Variants in KALRN observed in about 807,000 individuals in gnomAD.
KALRN encodes the protein kalirin.
Under a neutral mutation model 353.7 loss-of-function variants are expected in KALRN, and 70 were observed. That is an observed-to-expected ratio of 0.20 (90% CI 0.16 to 0.24). KALRN has a LOEUF of 0.24. KALRN is among the 10% of genes least tolerant of loss of function. KALRN has a pLI of 1.00. For synonymous variants in KALRN, 1,391 were observed against 1,434.8 expected (o/e 0.97, Z 0.69); for missense variants, 2,791 against 3,756.7 (o/e 0.74, Z 6.72).
chr3:124,550,485 A>G (rs551135982), intron 33 of KALRN, among the ~76,000 whole-genome samples: 10 of 151,968 alleles, frequency 6.6e-5, no homozygotes, highest in African/African-American at 2.4e-4. Context: ...ACTGTATGCA[A>G]TTTTTTTTGT....
In KALRN at chr3:124,320,050, C is replaced by T. The variant is rs1193388065; in HGVS notation, c.1093-5930C>T. On this transcript the variant is annotated intron_variant, in intron 6 of 59. Transcript: ENST00000682506. ...TAACTGGTAGTATTTGGGTGTGCTT[C>T]CCTCGTATGTATAACGTTTTCTCAG... Among the ~76,000 whole-genome samples, 3 of 152,106 alleles carry T rather than the reference C, an allele frequency of 2.0e-5. No homozygotes were observed. The East Asian group carries it at 5.8e-4, about 29-fold the overall frequency.
intron 34 of KALRN, among the ~76,000 whole-genome samples, chr3:124,612,818 G>A (rs376140685): frequency 3.3e-5 from 5 of 152,306 alleles, no homozygotes; most frequent in East Asian, 3.9e-4. Context: ...CATATAGGAA[G>A]CACTCAACAA....
chr3:124,662,400 G>A (rs930093505), intron 45 of KALRN, among the ~76,000 whole-genome samples: 12 of 151,746 alleles, frequency 7.9e-5, no homozygotes, highest in Non-Finnish European at 1.8e-4. Context: ...TATAAAGATG[G>A]GGTTTTGCCA....
At chr3:124,453,563 C>G (rs938547436) in intron 21 of KALRN, among the ~76,000 whole-genome samples, 1 of 152,220 alleles carries the variant, frequency 6.6e-6, no homozygotes, top group Non-Finnish European at 1.5e-5. Flanking sequence ...GTTTTTTCTG[C>G]TGTTGCTCCA....
chr3:124,647,527 T>C (rs1159696720), intron 37 of KALRN, among the ~76,000 whole-genome samples: 1 of 152,206 alleles, frequency 6.6e-6, no homozygotes, highest in Non-Finnish European at 1.5e-5. Flanking sequence ...GTTCAAGCAT[T>C]GCCTCTTCCA....
intron 6 of KALRN, among the ~76,000 whole-genome samples, chr3:124,311,019 A>T (rs948913095): frequency 6.9e-6 from 1 of 145,294 alleles, no homozygotes; most frequent in East Asian, 2.2e-4. Flanking sequence ...TGACATAATT[A>T]GTCATCAGGG....
At chr3:124,248,920 C>T (rs185466706) in intron 3 of KALRN, among the ~76,000 whole-genome samples, 238 of 152,340 alleles carry the variant, frequency 1.6e-3, no homozygotes, top group Middle Eastern at 3.4e-3. Context: ...ACCCTGGTTC[C>T]CTACACAGGA....
chr3:124,112,552 T>G lies in KALRN; in HGVS notation c.73+78739T>G, dbSNP rs566327316. ...GAGAGAGATAGGAATTTATCCTGCC[T>G]GTCCCCAACTGCACCACTGGAGTAT... On this transcript the variant is annotated intron_variant, in intron 1 of 59. Coordinates refer to ENST00000682506, the MANE Select transcript of KALRN (RefSeq NM_001388419.1). Among the ~76,000 whole-genome samples the G allele has an allele frequency of 7.2e-5, 11 of 152,294 alleles. No homozygotes were observed. In the East Asian group the frequency reaches 2.1e-3, roughly 29 times the overall value.
intron 12 of KALRN, among the ~76,000 whole-genome samples, chr3:124,396,355 A>G (rs1241907027): frequency 2.0e-5 from 3 of 152,232 alleles, no homozygotes; most frequent in African/African-American, 4.8e-5. Context: ...AATAATTTCT[A>G]TTCCAAATAT....
chr3:124,389,669 G>A (rs1021803192), intron 11 of KALRN, among the ~76,000 whole-genome samples: 15 of 152,102 alleles, frequency 9.9e-5, no homozygotes, highest in South Asian at 4.1e-4. Flanking sequence ...TCACATTGCC[G>A]AAGATTATTA....
Position 124,562,978 on chromosome 3 carries a change from C to T in KALRN, c.5071C>T (p.Arg1691Cys), listed in dbSNP as rs745837958. 16 of 1,367,772 alleles carry T rather than the reference C, an allele frequency of 1.2e-5. No homozygotes were observed. Among genetic ancestry groups the T allele is most frequent in the Admixed American group, 7.6e-5 (4 of 52,578 alleles). 84.7% of individuals were successfully genotyped at this position (1,367,772 alleles called of 1,614,324 possible). Residue 1691 changes from arginine to cysteine, a missense_variant, in exon 34 of 60, where the codon CGT becomes TGT. By Grantham distance (180) the Arg-to-Cys change is radical. Transcript: ENST00000682506. The part of the protein sequence containing the change: ...PSERPGWCLV[R>C]TTERSPPLEG... ...CGAGCGGCCTGGTTGGTGTCTGGTC[C>T]GTACCACCGAACGGAGCCCGCCCTT...
intron 10 of KALRN, among the ~76,000 whole-genome samples, chr3:124,357,383 G>T (rs970542414): frequency 1.3e-5 from 2 of 152,172 alleles, no homozygotes; most frequent in Non-Finnish European, 2.9e-5. Context: ...CAATGGTTAT[G>T]GAACCTATAG....
chr3:124,385,052 G>T lies in KALRN; in HGVS notation c.1962+16G>T. ...CACCAAAGAGGTAAGGGGAGCTAGT[G>T]GAGAGAGGGCATTCTGTCCTGCCAG... On this transcript the variant is annotated intron_variant, in intron 11 of 59. Coordinates refer to ENST00000682506, the MANE Select transcript of KALRN (RefSeq NM_001388419.1). 6.4e-7 allele frequency: 1 copy of T among 1,567,270 alleles called. No homozygotes were observed. The highest frequency in any genetic ancestry group is 1.2e-5 in the South Asian group (1 of 83,288).
chr3:124,123,210 A>AAAAG, intron 1 of KALRN, among the ~76,000 whole-genome samples: 1 of 151,464 alleles, frequency 6.6e-6, no homozygotes, highest in East Asian at 1.9e-4. Flanking sequence ...AAAAAAAAAA[A>AAAAG]GGCAAGATAG....
chr3:124,191,243 G>T (rs1442380635), intron 1 of KALRN, among the ~76,000 whole-genome samples: 1 of 151,944 alleles, frequency 6.6e-6, no homozygotes, highest in Non-Finnish European at 1.5e-5. Context: ...AGTCTTCATT[G>T]TATAGGCACG....
intron 1 of KALRN, among the ~76,000 whole-genome samples, chr3:124,113,858 C>T (rs982749123): frequency 1.1e-4 from 17 of 152,196 alleles, no homozygotes; most frequent in Admixed American, 2.6e-4. Flanking sequence ...GCGTCAGCAT[C>T]GATAAATCAT....
At chr3:124,506,137 TC>T (rs1469579563) in intron 33 of KALRN, among the ~76,000 whole-genome samples, 2 of 152,206 alleles carry the variant, frequency 1.3e-5, no homozygotes, top group African/African-American at 4.8e-5. Flanking sequence ...CAGGGCTTCT[TC>T]CAGGAGTGGT....
intron 1 of KALRN, among the ~76,000 whole-genome samples, chr3:124,156,083 C>G (rs536292499): frequency 2.6e-5 from 4 of 152,270 alleles, no homozygotes; most frequent in African/African-American, 7.2e-5. Context: ...CCTCATTCAT[C>G]CAGAGAATAC....
At chr3:124,660,879 T>A in intron 43 of KALRN, 44 bp from the exon 44 acceptor site, 1 of 1,394,552 alleles carries the variant, frequency 7.2e-7, no homozygotes, top group Non-Finnish European at 1.0e-6. Flanking sequence ...ATTTTACTAA[T>A]TTTACCCCTT....
Sources: allele counts gnomAD v4.1 joint callset (sites outside exome capture counted in the v4.1 genomes callset), GRCh38; gene constraint gnomAD v4.1.1; transcripts MANE v1.5; gene names NCBI Gene and HGNC (gene_info 2026-07-23, HGNC 2026-07-21).